The following ARHGEF3 variants were observed in gnomAD, a reference collection of about 807,000 sequenced individuals.
ARHGEF3 encodes the protein 59.8 kDA protein.
ARHGEF3 carries 28 observed loss-of-function variants against 63.2 expected under a neutral mutation model. That is an observed-to-expected ratio of 0.44 (90% CI 0.33 to 0.61). The LOEUF (loss-of-function observed/expected upper bound fraction) is 0.61, where lower values mean the gene tolerates loss of function less well. ARHGEF3 is among the 20% of genes least tolerant of loss of function. The pLI, the probability that ARHGEF3 is intolerant of heterozygous loss-of-function variation, is 0.03. For synonymous variants in ARHGEF3, 266 were observed against 254.2 expected, an observed-to-expected ratio of 1.05 and a Z score of -0.44; for missense variants, 533 against 659.3, an observed-to-expected ratio of 0.81 and a Z score of 2.10.
chr3:56,951,156 C>A (rs1388919181), intron 3 of ARHGEF3, among the ~76,000 whole-genome samples: 1 of 151,716 alleles, frequency 6.6e-6, no homozygotes, highest in Non-Finnish European at 1.5e-5. Context: ...GGATGGATAG[C>A]ATTAGGAGAT....
intron 4 of ARHGEF3, among the ~76,000 whole-genome samples, chr3:56,870,313 A>G (rs938440171): frequency 6.6e-6 from 1 of 152,240 alleles, no homozygotes; most frequent in African/African-American, 2.4e-5. Flanking sequence ...TTACCAAGTC[A>G]TGAAAAGACA....
chr3:56,970,019 C>T (rs1700840318), intron 2 of ARHGEF3, among the ~76,000 whole-genome samples: 1 of 152,112 alleles, frequency 6.6e-6, no homozygotes, highest in African/African-American at 2.4e-5. Flanking sequence ...AGTAGATTAG[C>T]TCCAGAAGCT....
At chr3:56,934,444 C>A (rs1049395689) in intron 3 of ARHGEF3, among the ~76,000 whole-genome samples, 2 of 152,228 alleles carry the variant, frequency 1.3e-5, no homozygotes, top group African/African-American at 4.8e-5. Context: ...CCCATTCCCT[C>A]AGCTTGCAGG....
chr3:56,922,949 G>T (rs2042179536), intron 3 of ARHGEF3, among the ~76,000 whole-genome samples: 2 of 150,782 alleles, frequency 1.3e-5, no homozygotes, highest in South Asian at 2.1e-4. Context: ...ACTTTGGGAA[G>T]CGTAGGCGGA....
chr3:56,898,872 T>C (rs967146679), intron 3 of ARHGEF3, among the ~76,000 whole-genome samples: 21 of 152,046 alleles, frequency 1.4e-4, no homozygotes, highest in Non-Finnish European at 1.3e-4. Flanking sequence ...CTGGCTAACA[T>C]GGTGAAACCC....
At chr3:56,922,930 A>C (rs546137910) in intron 3 of ARHGEF3, among the ~76,000 whole-genome samples, 4 of 151,654 alleles carry the variant, frequency 2.6e-5, no homozygotes, top group Admixed American at 2.6e-4. Context: ...TCACGCCTGT[A>C]ATCCCAACAC....
chr3:56,729,877 C>T (rs532406419), intron 9 of ARHGEF3, among the ~76,000 whole-genome samples: 10 of 146,672 alleles, frequency 6.8e-5, no homozygotes, highest in South Asian at 2.3e-4. Flanking sequence ...CTTGGAACCA[C>T]AAAGTCAAGT....
chr3:56,765,268 GT>G (rs541778608), intron 2 of ARHGEF3, among the ~76,000 whole-genome samples: 242 of 152,272 alleles, frequency 1.6e-3, no homozygotes, highest in Admixed American at 3.0e-3. Flanking sequence ...TGAAGCCATG[GT>G]TTTTAGTTTC....
At chr3:56,807,993 G>A (rs575924897) in intron 4 of ARHGEF3, among the ~76,000 whole-genome samples, 3 of 152,078 alleles carry the variant, frequency 2.0e-5, no homozygotes, top group East Asian at 3.9e-4. Flanking sequence ...GCATGGTGGC[G>A]GGTGCCTGTA....
chr3:56,778,859 T>A (rs898543494), intron 1 of ARHGEF3, among the ~76,000 whole-genome samples: 3 of 152,182 alleles, frequency 2.0e-5, no homozygotes, highest in Non-Finnish European at 2.9e-5. Flanking sequence ...TCTTTTGAAA[T>A]TTTTCAATCA....
At chr3:57,039,254 T>G (rs989203239) in intron 1 of ARHGEF3, among the ~76,000 whole-genome samples, 1 of 152,176 alleles carries the variant, frequency 6.6e-6, no homozygotes, top group African/African-American at 2.4e-5. Context: ...CTGCGTCCAT[T>G]GGACAGAAGG....
chr3:56,852,010 C>T (rs184720061), intron 4 of ARHGEF3, among the ~76,000 whole-genome samples: 6 of 152,314 alleles, frequency 3.9e-5, no homozygotes, highest in Admixed American at 3.3e-4. Flanking sequence ...TGGCATCCAG[C>T]CTTGTGGATT....
chr3:57,039,143 ACT>A (rs1704077317), intron 1 of ARHGEF3, among the ~76,000 whole-genome samples: 1 of 151,686 alleles, frequency 6.6e-6, no homozygotes, highest in Non-Finnish European at 1.5e-5. Context: ...CCAGCTAAAA[ACT>A]CTGGCACCAC....
intron 2 of ARHGEF3, among the ~76,000 whole-genome samples, chr3:56,989,509 C>T (rs537548724): frequency 6.6e-6 from 1 of 152,344 alleles, no homozygotes; most frequent in African/African-American, 2.4e-5. Flanking sequence ...GCAGAAAACC[C>T]CAGCAGGTCT....
At chr3:56,827,011 A>G (rs2038738866) in intron 4 of ARHGEF3, among the ~76,000 whole-genome samples, 1 of 152,206 alleles carries the variant, frequency 6.6e-6, no homozygotes, top group South Asian at 2.1e-4. Context: ...ATGAAAACAT[A>G]AAAGAGAAGA....
At chr3:57,051,495 AT>A (rs1447427131) in intron 1 of ARHGEF3, among the ~76,000 whole-genome samples, 1 of 152,190 alleles carries the variant, frequency 6.6e-6, no homozygotes, top group Non-Finnish European at 1.5e-5. Context: ...CTCAAAAAAA[AT>A]AAAAAATGTG....
At chr3:56,951,143 G>T (rs1325206128) in intron 3 of ARHGEF3, among the ~76,000 whole-genome samples, 1 of 151,806 alleles carries the variant, frequency 6.6e-6, no homozygotes. Flanking sequence ...GTGGGGGGAG[G>T]GGGGATGGAT....
At chr3:57,035,149 T>C (rs1703899043) in exon 2 of ARHGEF3, 2 of 1,537,570 alleles carry the variant, frequency 1.3e-6, no homozygotes, top group Non-Finnish European at 1.8e-6. Flanking sequence ...GAACTGTCCA[T>C]AGACTCAGTA....
At chr3:56,867,892 AG>A (rs2040307468) in intron 4 of ARHGEF3, among the ~76,000 whole-genome samples, 1 of 152,210 alleles carries the variant, frequency 6.6e-6, no homozygotes, top group African/African-American at 2.4e-5. Flanking sequence ...GGAAATGAAG[AG>A]GGCATGACCA....
Sources: allele counts gnomAD v4.1 joint callset (sites outside exome capture counted in the v4.1 genomes callset), GRCh38; gene constraint gnomAD v4.1.1; transcripts MANE v1.5; gene names NCBI Gene and HGNC (gene_info 2026-07-23, HGNC 2026-07-21).